ELMO1: variants seen among roughly 807,000 people sequenced by gnomAD.
ELMO1 encodes the protein engulfment and cell motility protein 1.
A neutral mutation model predicts 98.9 loss-of-function variants in ELMO1; 26 were observed. The ratio of observed to expected loss-of-function variants is 0.26; its 90% CI spans 0.19 to 0.36. The LOEUF (loss-of-function observed/expected upper bound fraction) is 0.36, where lower values mean the gene tolerates loss of function less well. Among genes scored for constraint, ELMO1 ranks in the 10% least tolerant of loss-of-function variants. ELMO1 has a pLI of 1.00. For synonymous variants in ELMO1, 346 were observed against 346.0 expected (o/e 1.00, Z 0.00); for missense variants, 627 against 935.2 (o/e 0.67, Z 4.30).
Position 36,853,741 on chromosome 7 carries a change from G to A in ELMO1, c.*1810C>T, listed in dbSNP as rs1156320116. ...AATGACCTGGATGCTTCCACAGCTTGTGCTGTGAGGCCAGAGTGGCTGGTG... is the reference window on the plus strand; with the variant it reads ...AATGACCTGGATGCTTCCACAGCTTATGCTGTGAGGCCAGAGTGGCTGGTG... On this transcript the variant is annotated 3_prime_UTR_variant, in exon 22 of 22. Transcript: ENST00000310758. 1.3e-5 allele frequency among the ~76,000 whole-genome samples: 2 copies of A among 152,210 alleles called. No individual in the cohort carries two copies. The highest frequency in any genetic ancestry group is 6.5e-5 in the Admixed American group (1 of 15,290).
chr7:37,017,155 C>T (rs545216180), intron 15 of ELMO1, among the ~76,000 whole-genome samples: 1 of 152,320 alleles, frequency 6.6e-6, no homozygotes, highest in Admixed American at 6.5e-5. Flanking sequence ...CTTACTCCTC[C>T]TTTCCTGGGT....
chr7:37,015,710 G>A (rs976927533), intron 15 of ELMO1, among the ~76,000 whole-genome samples: 2 of 152,214 alleles, frequency 1.3e-5, no homozygotes, highest in Non-Finnish European at 2.9e-5. Context: ...CTTTGGACAG[G>A]ATACAAGTTA....
chr7:36,946,389 T>A (rs1293301381), intron 16 of ELMO1, among the ~76,000 whole-genome samples: 6 of 152,192 alleles, frequency 3.9e-5, no homozygotes, highest in Non-Finnish European at 8.8e-5. Context: ...ACAGGGTAAG[T>A]GCATCTGTTG....
Position 37,336,682 on chromosome 7 carries a change from A to T in ELMO1, c.78+5931T>A, listed in dbSNP as rs184287544. Among the ~76,000 whole-genome samples the T allele has an allele frequency of 2.6e-5, 4 of 152,278 alleles. No individual in the cohort carries two copies. In the East Asian group the frequency reaches 7.7e-4, roughly 29 times the overall value. ...AGGAAGGGAGAGTTTCAAGAAGATG[A>T]GAATGGGCAGCTTTGCCGAGCGTAA... On this transcript the variant is annotated intron_variant, in intron 2 of 21. Coordinates refer to ENST00000310758, the MANE Select transcript of ELMO1 (RefSeq NM_014800.11).
chr7:37,222,137 A>G (rs1398225109), intron 10 of ELMO1, among the ~76,000 whole-genome samples: 1 of 152,210 alleles, frequency 6.6e-6, no homozygotes, highest in Non-Finnish European at 1.5e-5. Context: ...TCTGCATATT[A>G]TCCCTCCTGT....
intron 17 of ELMO1, among the ~76,000 whole-genome samples, chr7:36,892,146 A>G (rs367823424): frequency 2.0e-5 from 3 of 152,304 alleles, no homozygotes. Context: ...ATTTTATAAC[A>G]ACAGGGTGTA....
intron 15 of ELMO1, among the ~76,000 whole-genome samples, chr7:37,021,166 T>A (rs761941410): frequency 6.6e-6 from 1 of 151,704 alleles, no homozygotes; most frequent in Admixed American, 6.6e-5. Flanking sequence ...GTGGGAGAGG[T>A]GAAAAGAGGA....
intron 15 of ELMO1, among the ~76,000 whole-genome samples, chr7:37,050,257 A>G (rs1220638572): frequency 6.6e-6 from 1 of 152,000 alleles, no homozygotes; most frequent in Non-Finnish European, 1.5e-5. Context: ...TATTTCTAGT[A>G]GAGATGGGGT....
intron 20 of ELMO1, among the ~76,000 whole-genome samples, chr7:36,865,440 A>G (rs1802964503): frequency 6.6e-6 from 1 of 152,228 alleles, no homozygotes; most frequent in Admixed American, 6.5e-5. Context: ...TTCTTCAGGC[A>G]GTTACAACTC....
Position 36,972,476 on chromosome 7 carries a change from AGGCTGG to A in ELMO1, c.1437+40817_1437+40822del, listed in dbSNP as rs1358950906. ...GAAATTCATTGTCTCACAGTTCTGG[AGGCTGG>A]AAGTCTGCATCAGCAGGGTCGGTTC... On this transcript the variant is annotated intron_variant, in intron 16 of 21. Coordinates refer to ENST00000310758, the MANE Select transcript of ELMO1 (RefSeq NM_014800.11). Among the ~76,000 whole-genome samples the A allele has an allele frequency of 3.9e-5, 6 of 152,354 alleles. 1 individual carries two copies. Among genetic ancestry groups the A allele is most frequent in the African/African-American group, 1.4e-4 (6 of 41,578 alleles).
At chr7:37,093,429 C>T (rs1237728660) in intron 15 of ELMO1, among the ~76,000 whole-genome samples, 2 of 152,136 alleles carry the variant, frequency 1.3e-5, no homozygotes, top group African/African-American at 4.8e-5. Context: ...TTAGCACTTG[C>T]TTATAGAACT....
At chr7:36,933,106 T>A (rs1022793337) in intron 16 of ELMO1, among the ~76,000 whole-genome samples, 11 of 152,178 alleles carry the variant, frequency 7.2e-5, no homozygotes, top group Admixed American at 2.0e-4. Flanking sequence ...CCAGTTAACT[T>A]CTGCTCAAAG....
intron 13 of ELMO1, among the ~76,000 whole-genome samples, chr7:37,166,316 G>A (rs142133306): frequency 0.012 from 1,764 of 152,208 alleles, 51 homozygotes; most frequent in African/African-American, 0.04. Flanking sequence ...TTTTTGAAGC[G>A]TTTTTTGTGT....
chr7:37,216,277 A>T (rs1793276507), intron 11 of ELMO1, among the ~76,000 whole-genome samples: 1 of 151,952 alleles, frequency 6.6e-6, no homozygotes, highest in Non-Finnish European at 1.5e-5. Context: ...TTGGTACCTG[A>T]TATGTTTACA....
chr7:37,128,921 A>G (rs1786712303), intron 14 of ELMO1, among the ~76,000 whole-genome samples: 1 of 152,156 alleles, frequency 6.6e-6, no homozygotes, highest in African/African-American at 2.4e-5. Context: ...ACAATGTTCT[A>G]GGATTTAAAT....
At chr7:37,321,418 G>C (rs996989912) in intron 2 of ELMO1, among the ~76,000 whole-genome samples, 1 of 151,946 alleles carries the variant, frequency 6.6e-6, no homozygotes, top group Non-Finnish European at 1.5e-5. Flanking sequence ...TCATTTCATT[G>C]AAAGAAAAGC....
chr7:37,204,175 T>C (rs1433919090), intron 13 of ELMO1: 4 of 456,306 alleles, frequency 8.8e-6, no homozygotes, highest in Non-Finnish European at 1.8e-5. Flanking sequence ...GTGGCCAAAA[T>C]GTGTCTGGAA....
intron 13 of ELMO1, among the ~76,000 whole-genome samples, chr7:37,138,411 A>T (rs1036803426): frequency 2.6e-5 from 4 of 152,202 alleles, no homozygotes; most frequent in African/African-American, 9.6e-5. Context: ...ATACTAGAGA[A>T]ATATAAAAGA....
intron 15 of ELMO1, among the ~76,000 whole-genome samples, chr7:37,061,413 A>C (rs1413622673): frequency 2.6e-5 from 4 of 152,184 alleles, no homozygotes; most frequent in Non-Finnish European, 4.4e-5. Flanking sequence ...CAGCAGGCCT[A>C]ACGAATAGTG....
Sources: allele counts gnomAD v4.1 joint callset (sites outside exome capture counted in the v4.1 genomes callset), GRCh38; gene constraint gnomAD v4.1.1; transcripts MANE v1.5; gene names NCBI Gene and HGNC (gene_info 2026-07-23, HGNC 2026-07-21).